ATXN1: variants seen among roughly 807,000 people sequenced by gnomAD.
ATXN1 encodes the protein ataxin-1.
In ATXN1, 8 loss-of-function variants were observed where a neutral mutation model predicts 56.4. The ratio of observed to expected loss-of-function variants is 0.14; its 90% confidence interval spans 0.08 to 0.26. ATXN1 has a LOEUF of 0.26. ATXN1 is among the 10% of genes least tolerant of loss of function. ATXN1 has a pLI of 1.00. For missense variants in ATXN1, 987 were observed against 1,106.5 expected (o/e 0.89, Z 1.53); for synonymous variants, 514 against 494.6 (o/e 1.04, Z -0.52).
intron 6 of ATXN1, among the ~76,000 whole-genome samples, chr6:16,442,470 T>C (rs1395815459): frequency 6.6e-6 from 1 of 151,130 alleles, no homozygotes; most frequent in Non-Finnish European, 1.5e-5. Context: ...CCTGACAATA[T>C]AGATAGTATA....
chr6:16,509,446 C>A (rs1272480897), intron 5 of ATXN1, among the ~76,000 whole-genome samples: 1 of 152,162 alleles, frequency 6.6e-6, no homozygotes, highest in Non-Finnish European at 1.5e-5. Flanking sequence ...TTTGTGCACT[C>A]ATTCAGGTCA....
chr6:16,408,582 G>A (rs573733730), intron 6 of ATXN1, among the ~76,000 whole-genome samples: 10 of 151,700 alleles, frequency 6.6e-5, no homozygotes, highest in African/African-American at 9.7e-5. Context: ...TGTGTATCAC[G>A]TATTTTGTCA....
chr6:16,704,207 C>T (rs1317120741), intron 2 of ATXN1, among the ~76,000 whole-genome samples: 1 of 152,168 alleles, frequency 6.6e-6, no homozygotes, highest in African/African-American at 2.4e-5. Context: ...ATTTTCATTT[C>T]CTATCTAATT....
chr6:16,616,977 ATTG>A (rs1459268885), intron 3 of ATXN1, among the ~76,000 whole-genome samples: 2 of 152,070 alleles, frequency 1.3e-5, no homozygotes, highest in East Asian at 3.9e-4. Flanking sequence ...ATTATTAGTT[ATTG>A]TTGTTAATCT....
At chr6:16,689,314 T>C (rs1758990988) in intron 2 of ATXN1, among the ~76,000 whole-genome samples, 1 of 152,016 alleles carries the variant, frequency 6.6e-6, no homozygotes. Flanking sequence ...TTTTATATTG[T>C]TGTAAGTTTT....
At chr6:16,523,786 A>C (rs1303815586) in intron 4 of ATXN1, among the ~76,000 whole-genome samples, 1 of 152,182 alleles carries the variant, frequency 6.6e-6, no homozygotes, top group Non-Finnish European at 1.5e-5. Context: ...GGGCCAAACA[A>C]AGTGTGGGAA....
At chr6:16,672,272 T>C (rs1758554945) in intron 2 of ATXN1, among the ~76,000 whole-genome samples, 1 of 152,244 alleles carries the variant, frequency 6.6e-6, no homozygotes, top group African/African-American at 2.4e-5. Context: ...CCAAATGTTT[T>C]CTGTGTCATA....
intron 3 of ATXN1, among the ~76,000 whole-genome samples, chr6:16,588,012 A>G (rs236974): frequency 0.18 from 26,967 of 151,580 alleles, 4,472 homozygotes; most frequent in African/African-American, 0.44. Context: ...TTGTGATGTC[A>G]TCCTCATCTA....
At chr6:16,741,615 G>A (rs1156659317) in intron 2 of ATXN1, among the ~76,000 whole-genome samples, 1 of 152,066 alleles carries the variant, frequency 6.6e-6, no homozygotes, top group Non-Finnish European at 1.5e-5. Context: ...AGCTGTGTTT[G>A]GTCATTTACA....
In ATXN1 at chr6:16,585,553, A is replaced by G. The variant is rs180871737; in HGVS notation, c.-361+227T>C. The stretch of plus-strand genomic sequence containing the variant: ...CAGCAATGCCTTGTCATCTATCCTA[A>G]CTAGTGACCTCAAAATAAGTAGAAG... On this transcript the variant is annotated intron_variant, in intron 4 of 7. Transcript: ENST00000436367. Among the ~76,000 whole-genome samples, 303 of 152,298 alleles carry G rather than the reference A, an allele frequency of 2.0e-3. 1 individual carries two copies. The highest frequency in any genetic ancestry group is 3.8e-3 in the Non-Finnish European group (260 of 68,020).
chr6:16,690,889 C>T (rs73367686), intron 2 of ATXN1, among the ~76,000 whole-genome samples: 4 of 152,108 alleles, frequency 2.6e-5, no homozygotes, highest in Non-Finnish European at 5.9e-5. Flanking sequence ...CAACCTGTGC[C>T]TCCTGTCCTT....
chr6:16,737,742 A>C (rs1760187579), intron 2 of ATXN1: 1 of 152,256 alleles, frequency 6.6e-6, no homozygotes, highest in Non-Finnish European at 1.5e-5. Flanking sequence ...GAGAAGTAGA[A>C]AGAGAAGCGA....
At chr6:16,488,126 A>G (rs1297119877) in intron 5 of ATXN1, among the ~76,000 whole-genome samples, 1 of 152,180 alleles carries the variant, frequency 6.6e-6, no homozygotes, top group Admixed American at 6.6e-5. Context: ...CGGTGAGAGG[A>G]ACACCCCTGA....
intron 3 of ATXN1, among the ~76,000 whole-genome samples, chr6:16,593,736 G>T (rs1762763827): frequency 6.6e-6 from 1 of 151,684 alleles, no homozygotes; most frequent in South Asian, 2.1e-4. Flanking sequence ...TTGTTTCTAA[G>T]ATTTAGCCAT....
intron 6 of ATXN1, among the ~76,000 whole-genome samples, chr6:16,470,811 T>C (rs967163655): frequency 1.3e-5 from 2 of 152,116 alleles, no homozygotes; most frequent in East Asian, 3.9e-4. Context: ...CTGGGCAACA[T>C]AGTGAGACTT....
chr6:16,498,025 T>C (rs1760811835), intron 5 of ATXN1, among the ~76,000 whole-genome samples: 1 of 152,200 alleles, frequency 6.6e-6, no homozygotes, highest in East Asian at 1.9e-4. Flanking sequence ...GCATTTTAAC[T>C]GTTTTTAAAG....
Position 16,578,673 on chromosome 6 carries a change from G to A in ATXN1, c.-361+7107C>T, listed in dbSNP as rs982505889. On this transcript the variant is annotated intron_variant, in intron 4 of 7. Transcript: ENST00000436367. ...TATCTTATGCAGGGGGCAAAAGGAA[G>A]AGGTAGCTTTAAAAAGACAGATCCA... is the stretch of plus-strand genomic sequence containing the variant. 3.3e-5 allele frequency among the ~76,000 whole-genome samples: 5 copies of A among 151,998 alleles called. No individual in the cohort carries two copies. The East Asian group carries it at 9.6e-4, about 29-fold the overall frequency.
chr6:16,443,810 T>C (rs144535463), intron 6 of ATXN1, among the ~76,000 whole-genome samples: 120 of 152,156 alleles, frequency 7.9e-4, no homozygotes, highest in African/African-American at 2.7e-3. Context: ...CATGAGGTAT[T>C]TTACCTTAAA....
chr6:16,463,732 C>T (rs1196639529), intron 6 of ATXN1, among the ~76,000 whole-genome samples: 2 of 152,208 alleles, frequency 1.3e-5, no homozygotes, highest in East Asian at 3.9e-4. Context: ...TCAGACAATG[C>T]CTTTCAAACT....
Sources: gnomAD v4.1 joint callset for allele counts (sites outside exome capture counted in the v4.1 genomes callset) on GRCh38, gnomAD v4.1.1 for gene constraint, MANE v1.5 for transcripts, NCBI Gene and HGNC (gene_info 2026-07-23, HGNC 2026-07-21) for gene names.